PNOC: variants seen among roughly 807,000 people sequenced by gnomAD.
PNOC encodes the protein nociceptin.
In PNOC, 10 loss-of-function variants were observed where a neutral mutation model predicts 15.6. The observed-to-expected ratio is 0.64, with a 90% confidence interval of 0.40 to 1.09. The LOEUF (loss-of-function observed/expected upper bound fraction) is 1.09, where lower values mean the gene tolerates loss of function less well. Among genes scored for constraint, PNOC ranks in the 50% least tolerant of loss-of-function variants. The pLI is 0.01. For missense variants in PNOC, 220 were observed against 223.9 expected, an observed-to-expected ratio of 0.98 and a Z score of 0.11; for synonymous variants, 98 against 88.5, an observed-to-expected ratio of 1.11 and a Z score of -0.60.
At chr8:28,340,761 G>A (rs1484398901) in intron 3 of PNOC, among the ~76,000 whole-genome samples, 1 of 152,204 alleles carries the variant, frequency 6.6e-6, no homozygotes, top group Admixed American at 6.5e-5. Context: ...AGGGGAGCTG[G>A]CGTGCCACAT....
At chr8:28,321,299 G>T (rs1341266577) in intron 1 of PNOC, among the ~76,000 whole-genome samples, 2 of 145,024 alleles carry the variant, frequency 1.4e-5, no homozygotes, top group Non-Finnish European at 3.0e-5. Context: ...CTAAGTTGCT[G>T]GGATTGCAGT....
chr8:28,330,275 C>A (rs1429671612), intron 2 of PNOC, among the ~76,000 whole-genome samples: 1 of 151,808 alleles, frequency 6.6e-6, no homozygotes, highest in Non-Finnish European at 1.5e-5. Context: ...GGGACTTGAG[C>A]ATCTGCAGAT....
intron 2 of PNOC, among the ~76,000 whole-genome samples, chr8:28,336,403 G>GA (rs1316979971): frequency 6.6e-6 from 1 of 152,236 alleles, no homozygotes; most frequent in Non-Finnish European, 1.5e-5. Flanking sequence ...AGTTATCAGA[G>GA]AGGGGCAGCA....
At chr8:28,319,819 G>A (rs1345501068) in intron 1 of PNOC, among the ~76,000 whole-genome samples, 1 of 152,184 alleles carries the variant, frequency 6.6e-6, no homozygotes, top group Non-Finnish European at 1.5e-5. Context: ...CTCAGAAAAC[G>A]GGAGCCGTCC....
At chr8:28,323,676 C>T (rs1185092084) in intron 1 of PNOC, among the ~76,000 whole-genome samples, 1 of 152,226 alleles carries the variant, frequency 6.6e-6, no homozygotes, top group Non-Finnish European at 1.5e-5. Flanking sequence ...ACTAAGTACT[C>T]ATCTCCATTT....
At chr8:28,333,561 TC>T (rs1801363265) in intron 2 of PNOC, among the ~76,000 whole-genome samples, 2 of 152,188 alleles carry the variant, frequency 1.3e-5, no homozygotes, top group African/African-American at 4.8e-5. Flanking sequence ...CAAAACCCTC[TC>T]CTAAGTCAAG....
At chr8:28,319,338 G>T (rs1321538565) in intron 1 of PNOC, among the ~76,000 whole-genome samples, 1 of 152,132 alleles carries the variant, frequency 6.6e-6, no homozygotes, top group African/African-American at 2.4e-5. Context: ...AGAGGACCAT[G>T]CAAGGCAGGG....
At chr8:28,334,716 A>T (rs1355047159) in intron 2 of PNOC, among the ~76,000 whole-genome samples, 3 of 151,322 alleles carry the variant, frequency 2.0e-5, no homozygotes, top group African/African-American at 4.9e-5. Flanking sequence ...CTGCTCTCAA[A>T]CTCCTGGGCT....
rs913553602 is a variant in PNOC at position 28,329,513 on chromosome 8, C to T, written c.126+230C>T. On this transcript the variant is annotated intron_variant, in intron 2 of 3. Coordinates refer to ENST00000301908, the MANE Select transcript of PNOC (RefSeq NM_006228.5). ...TGCAGGAAGAGCCCTGCCTGTGATGCCAGGTCATTCCCAGGATTAAAATAA... is the reference window on the plus strand; with the variant it reads ...TGCAGGAAGAGCCCTGCCTGTGATGTCAGGTCATTCCCAGGATTAAAATAA... 3.3e-5 allele frequency among the ~76,000 whole-genome samples: 5 copies of T among 152,290 alleles called. No homozygotes were observed. In the East Asian group the frequency reaches 9.6e-4, roughly 29 times the overall value.
intron 3 of PNOC, among the ~76,000 whole-genome samples, chr8:28,340,436 C>T (rs1184582949): frequency 6.6e-6 from 1 of 152,186 alleles, no homozygotes. Flanking sequence ...TCAACCAATA[C>T]ATCACTTTGA....
chr8:28,321,071 C>T (rs1041714594), intron 1 of PNOC, among the ~76,000 whole-genome samples: 21 of 152,072 alleles, frequency 1.4e-4, no homozygotes, highest in African/African-American at 4.8e-4. Flanking sequence ...CAGGGTCTCA[C>T]TCTGTCACCC....
At chr8:28,334,771 G>T (rs1801385462) in intron 2 of PNOC, among the ~76,000 whole-genome samples, 1 of 152,128 alleles carries the variant, frequency 6.6e-6, no homozygotes, top group Admixed American at 6.5e-5. Flanking sequence ...TGGGATTATA[G>T]GCGGGAGCCA....
In PNOC at chr8:28,339,081, C is replaced by T; in HGVS notation, c.168C>T (p.Pro56=). 6.2e-7 allele frequency: 1 copy of T among 1,600,556 alleles called. No individual in the cohort carries two copies. Among genetic ancestry groups the T allele is most frequent in the South Asian group, 1.1e-5 (1 of 90,774 alleles). ...GTGAAGAGAAGGTCTTCCCCAGCCCCCTCTGGACTCCATGCACCAAGGTCA... is the reference window on the plus strand; with the variant it reads ...GTGAAGAGAAGGTCTTCCCCAGCCCTCTCTGGACTCCATGCACCAAGGTCA... ...LECEEKVFPS[P]LWTPCTKVMA... The change falls in exon 3 of 4, where the codon CCC becomes CCT. Residue 56 remains proline, a synonymous_variant. Coordinates refer to ENST00000301908, the MANE Select transcript of PNOC (RefSeq NM_006228.5).
At chr8:28,318,327 A>G (rs992902952) in intron 1 of PNOC, among the ~76,000 whole-genome samples, 25 of 152,282 alleles carry the variant, frequency 1.6e-4, no homozygotes, top group African/African-American at 5.5e-4. Context: ...GAATACCCCC[A>G]TCCTGCGCTT....
At chr8:28,340,163 T>C (rs1219920579) in intron 3 of PNOC, 1 of 152,254 alleles carries the variant, frequency 6.6e-6, no homozygotes, top group Non-Finnish European at 1.5e-5. Flanking sequence ...ACGTGGAGAA[T>C]TTGGTCCAAT....
At chr8:28,329,769 T>C (rs2129871809) in intron 2 of PNOC, among the ~76,000 whole-genome samples, 1 of 152,148 alleles carries the variant, frequency 6.6e-6, no homozygotes, top group African/African-American at 2.4e-5. Context: ...GGATAGAAAA[T>C]ATTCAGAAAA....
At chr8:28,320,348 T>C (rs1235014894) in intron 1 of PNOC, among the ~76,000 whole-genome samples, 1 of 151,854 alleles carries the variant, frequency 6.6e-6, no homozygotes, top group Non-Finnish European at 1.5e-5. Flanking sequence ...GTGTGTGGGG[T>C]TCCTGATAGG....
chr8:28,338,880 T>C (rs1585841126), intron 2 of PNOC, 160 bp from the exon 3 acceptor site: 1 of 1,017,940 alleles, frequency 9.8e-7, no homozygotes, highest in Non-Finnish European at 1.3e-6. Context: ...ATTCTGAAAT[T>C]CTACGAACCT....
intron 2 of PNOC, among the ~76,000 whole-genome samples, chr8:28,338,383 CTGA>C (rs1801450117): frequency 6.6e-6 from 1 of 152,036 alleles, no homozygotes; most frequent in African/African-American, 2.4e-5. Flanking sequence ...GGGCTCTGGT[CTGA>C]TGATGGCATC....
Sources: allele counts gnomAD v4.1 joint callset (sites outside exome capture counted in the v4.1 genomes callset), GRCh38; gene constraint gnomAD v4.1.1; transcripts MANE v1.5; gene names NCBI Gene and HGNC (gene_info 2026-07-23, HGNC 2026-07-21).